The following PARP4 variants were observed in gnomAD, a reference collection of about 807,000 sequenced individuals.
PARP4 encodes the protein protein mono-ADP-ribosyltransferase PARP4.
Under a neutral mutation model 187.7 loss-of-function variants are expected in PARP4, and 120 were observed. The observed-to-expected ratio is 0.64, with a 90% CI of 0.55 to 0.74. The LOEUF (loss-of-function observed/expected upper bound fraction) is 0.74, where lower values mean the gene tolerates loss of function less well. Ranked by LOEUF, PARP4 falls within the 30% of genes least tolerant of loss-of-function variation. The pLI, the probability that PARP4 is intolerant of heterozygous loss-of-function variation, is 0.00. For missense variants in PARP4, 1,836 were observed against 2,070.5 expected (o/e 0.89, Z 2.20); for synonymous variants, 654 against 740.9 (o/e 0.88, Z 1.90).
intron 17 of PARP4, among the ~76,000 whole-genome samples, chr13:24,460,623 T>G (rs1388709127): frequency 6.6e-6 from 1 of 152,210 alleles, no homozygotes. Context: ...CCAGGGCAGT[T>G]TTTTCTAAGC....
chr13:24,471,187 C>T (rs1194129665), intron 15 of PARP4, among the ~76,000 whole-genome samples: 4 of 152,218 alleles, frequency 2.6e-5, no homozygotes, highest in Non-Finnish European at 5.9e-5. Context: ...TCTTGGATTT[C>T]CTCAGTTTTA....
chr13:24,446,619 T>C (rs9511273), intron 27 of PARP4, 62 bp downstream of exon 27: 1,025,867 of 1,124,910 alleles, frequency 0.91, 473,306 homozygotes, highest in East Asian at 0.98. Flanking sequence ...GAGCATTATA[T>C]ATGGAAATAT....
chr13:24,474,611 CCTCCCTCA>C (rs1322467255), intron 15 of PARP4, among the ~76,000 whole-genome samples: 3 of 151,456 alleles, frequency 2.0e-5, no homozygotes, highest in African/African-American at 7.3e-5. Flanking sequence ...CCACGTCCTG[CCTCCCTCA>C]CTCCCTCACA....
chr13:24,425,816 G>A (rs1870022288), intron 33 of PARP4, among the ~76,000 whole-genome samples: 1 of 151,968 alleles, frequency 6.6e-6, no homozygotes, highest in Non-Finnish European at 1.5e-5. Flanking sequence ...CCATCTCACT[G>A]GTGCTACAAG....
At chr13:24,458,984 T>C (rs1270290793) in intron 20 of PARP4, 60 bp downstream of exon 20, 6 of 1,207,240 alleles carry the variant, frequency 5.0e-6, no homozygotes, top group Non-Finnish European at 7.3e-6. Flanking sequence ...CATACATTGC[T>C]TTGATAAGAT....
intron 7 of PARP4, 56 bp downstream of exon 7, chr13:24,494,517 A>C (rs976372717): frequency 1.4e-6 from 2 of 1,468,012 alleles, no homozygotes; most frequent in Non-Finnish European, 1.9e-6. Flanking sequence ...TAATAGAGAA[A>C]ACATTTCTAT....
At position 24,490,697 on chromosome 13, in the gene PARP4, A is replaced by G. The variant is rs1868591933; in HGVS notation, c.1185T>C (p.Val395=). Reference sequence around the variant, plus strand: ...GATGATTCTGCAAAACCTCTTTTCTAACCCTGAGAAATTCTTCAGTATTCT... The same window carrying G: ...GATGATTCTGCAAAACCTCTTTTCTGACCCTGAGAAATTCTTCAGTATTCT... ...VEQNTEEFLR[V]RKEVLQNHHS... The change falls in exon 10 of 34, where the codon GTT becomes GTC. Residue 395 remains valine, a synonymous_variant. Transcript: ENST00000381989. The G allele has an allele frequency of 6.2e-7, 1 of 1,613,712 alleles. No homozygotes were observed. Among genetic ancestry groups the G allele is most frequent in the Non-Finnish European group, 8.5e-7 (1 of 1,179,800 alleles).
At chr13:24,439,267 C>T (rs1395821866) in intron 30 of PARP4, among the ~76,000 whole-genome samples, 15 of 150,728 alleles carry the variant, frequency 1.0e-4, no homozygotes, top group African/African-American at 3.4e-4. Context: ...GTCGAGGCTG[C>T]GGTGAACTAT....
chr13:24,445,916 G>C (rs1264978643), intron 27 of PARP4, among the ~76,000 whole-genome samples: 2 of 152,148 alleles, frequency 1.3e-5, no homozygotes, highest in Non-Finnish European at 2.9e-5. Context: ...GCCAGTGTCA[G>C]AATTGAATTA....
intron 17 of PARP4, among the ~76,000 whole-genome samples, chr13:24,465,297 C>T (rs1260597627): frequency 6.6e-6 from 1 of 152,092 alleles, no homozygotes; most frequent in Non-Finnish European, 1.5e-5. Context: ...GGTATATACC[C>T]AAAGGAATAT....
intron 30 of PARP4, among the ~76,000 whole-genome samples, chr13:24,438,366 C>G (rs9511266): frequency 0.4 from 60,316 of 151,960 alleles, 12,219 homozygotes; most frequent in African/African-American, 0.46. Context: ...GGTAATGCTC[C>G]CTCACTGCCC....
At position 24,469,135 on chromosome 13, in the gene PARP4, T is replaced by C. The variant is rs1345817589; in HGVS notation, c.2047-25A>G. 3 of 1,459,972 alleles carry C rather than the reference T, an allele frequency of 2.1e-6. No individual in the cohort carries two copies. In the East Asian group the frequency reaches 6.8e-5, roughly 33 times the overall value. 90.4% of individuals were successfully genotyped at this position (1,459,972 alleles called of 1,614,324 possible). A position where few individuals can be genotyped will look rare whatever the true frequency, so the allele number is the denominator to read the frequency against. ...TCTGGAAAAGATGAGTTTTAAATCA[T>C]TCCTTACATGAAGAGTGACTTCAGG... On this transcript the variant is annotated intron_variant, in intron 16 of 33. Transcript: ENST00000381989.
intron 16 of PARP4, 53 bp downstream of exon 16, chr13:24,469,841 T>C (rs1872654369): frequency 3.8e-6 from 6 of 1,582,918 alleles, no homozygotes; most frequent in Admixed American, 3.7e-5. Flanking sequence ...TTCTGGGAAA[T>C]GGAAGCTGAC....
At chr13:24,483,721 G>C (rs908889517) in intron 12 of PARP4, among the ~76,000 whole-genome samples, 1 of 152,020 alleles carries the variant, frequency 6.6e-6, no homozygotes, top group African/African-American at 2.4e-5. Context: ...CTGCCTCCTA[G>C]GTTCAAGCCA....
Position 24,478,121 on chromosome 13 carries a change from TG to T in PARP4, c.1603del (p.Gln535LysfsTer24). ...AAAGTCTGTGGTGACAGAGGCTGTT[TG>T]CGAAACTCCATGCACACTGTCGTAG... The part of the protein sequence containing the change: ...PGYDSVHGVS[Q>X]TASVTTDFED... On this transcript the variant is annotated frameshift_variant, in exon 13 of 34. Coordinates refer to ENST00000381989, the MANE Select transcript of PARP4 (RefSeq NM_006437.4). LOFTEE classifies it high-confidence loss of function. 6.2e-7 allele frequency: 1 copy of T among 1,606,746 alleles called. No homozygotes were observed. Among genetic ancestry groups the T allele is most frequent in the Non-Finnish European group, 8.5e-7 (1 of 1,176,518 alleles).
intron 1 of PARP4, among the ~76,000 whole-genome samples, chr13:24,504,578 C>G (rs1236065618): frequency 6.6e-6 from 1 of 151,952 alleles, no homozygotes; most frequent in Non-Finnish European, 1.5e-5. Flanking sequence ...TGTGAGCCAC[C>G]ACACCCAGCC....
chr13:24,456,453 C>G lies in PARP4; in HGVS notation c.2450G>C (p.Ser817Thr). 1 of 1,605,482 alleles carries G rather than the reference C, an allele frequency of 6.2e-7. No homozygotes were observed. The change falls in exon 21 of 34, where the codon AGC becomes ACC. Residue 817 changes from serine (S) to threonine (T), a missense_variant. Coordinates refer to ENST00000381989, the MANE Select transcript of PARP4 (RefSeq NM_006437.4). ...QKRTDCKAVI[S>T]TMEGSSLDSS... ...GTCTAAGGAGCTGCCTTCCATGGTG[C>G]TAATGACAGCTTTGCAGTCTGTGCG...
Position 24,486,818 on chromosome 13 carries a change from G to A in PARP4, c.1215-513C>T, listed in dbSNP as rs1447431615. Among the ~76,000 whole-genome samples, 3 of 152,132 alleles carry A rather than the reference G, an allele frequency of 2.0e-5. No individual in the cohort carries two copies. In the East Asian group the frequency reaches 5.8e-4, roughly 29 times the overall value. On this transcript the variant is annotated intron_variant, in intron 10 of 33. Coordinates refer to ENST00000381989, the MANE Select transcript of PARP4 (RefSeq NM_006437.4). The stretch of plus-strand genomic sequence containing the variant: ...AATACAAAAATTAGCAGGGCATGGT[G>A]GTGCACACCTGTAGTCTCAGCTACT...
chr13:24,429,996 T>C (rs1870253099), intron 32 of PARP4, among the ~76,000 whole-genome samples: 2 of 152,252 alleles, frequency 1.3e-5, no homozygotes, highest in African/African-American at 4.8e-5. Flanking sequence ...GCCCACCTAG[T>C]TGGCTTTCTT....
Sources: allele counts gnomAD v4.1 joint callset (sites outside exome capture counted in the v4.1 genomes callset), GRCh38; gene constraint gnomAD v4.1.1; transcripts MANE v1.5; gene names NCBI Gene and HGNC (gene_info 2026-07-23, HGNC 2026-07-21).